Variants in AKAP7 observed in about 807,000 individuals in gnomAD.
AKAP7 encodes the protein A-kinase anchoring protein 7, also known as A kinase (PRKA) anchor protein 7.
A neutral mutation model predicts 39.5 loss-of-function variants in AKAP7; 39 were observed. The ratio of observed to expected loss-of-function variants is 0.99; its 90% CI spans 0.76 to 1.29. The LOEUF (loss-of-function observed/expected upper bound fraction) is 1.29. Among genes scored for constraint, AKAP7 ranks in the 50% most tolerant of loss-of-function variants. The pLI, the probability that AKAP7 is intolerant of heterozygous loss-of-function variation, is 0.00. For missense variants in AKAP7, 414 were observed against 407.7 expected, an observed-to-expected ratio of 1.02 and a Z score of -0.13; for synonymous variants, 140 against 139.1, an observed-to-expected ratio of 1.01 and a Z score of -0.05.
At position 131,283,302 on chromosome 6, in the gene AKAP7, A is replaced by AACTT. The variant is rs746242142; in HGVS notation, c.*1577_*1580dup. On this transcript the variant is annotated 3_prime_UTR_variant, in exon 8 of 8. Coordinates refer to ENST00000431975, the MANE Select transcript of AKAP7 (RefSeq NM_016377.4). ...TTCTGTTTGAAAGAGCATCTTGAAA[A>AACTT]ACTTCCCCGGTATGATGATTGTTGG... The AACTT allele has an allele frequency of 6.6e-6, 1 of 152,544 alleles. No individual in the cohort carries two copies. Among genetic ancestry groups the AACTT allele is most frequent in the Middle Eastern group, 3.2e-3 (1 of 316 alleles). The allele number at this position is 152,544 out of a possible 1,614,324, so 9.4% of individuals were successfully genotyped here.
chr6:131,233,560 A>AT (rs1810802301), intron 7 of AKAP7, among the ~76,000 whole-genome samples: 1 of 152,200 alleles, frequency 6.6e-6, no homozygotes, highest in South Asian at 2.1e-4. Context: ...CAAACTGTAT[A>AT]TAGAATTCTT....
At chr6:131,248,839 A>G (rs1812231765) in intron 7 of AKAP7, among the ~76,000 whole-genome samples, 1 of 152,244 alleles carries the variant, frequency 6.6e-6, no homozygotes, top group African/African-American at 2.4e-5. Flanking sequence ...ATATTTTAAA[A>G]CATACACCTG....
At chr6:131,175,081 A>G (rs1401651084) in intron 5 of AKAP7, among the ~76,000 whole-genome samples, 1 of 152,214 alleles carries the variant, frequency 6.6e-6, no homozygotes, top group Non-Finnish European at 1.5e-5. Flanking sequence ...TAAATAATTT[A>G]GAGAAAAGAA....
At chr6:131,250,434 G>C in intron 7 of AKAP7, 1 of 1,490,366 alleles carries the variant, frequency 6.7e-7, no homozygotes, top group Non-Finnish European at 9.0e-7. Context: ...GTGTGCATTG[G>C]CTCTTCAAGC....
chr6:131,234,055 T>C (rs1810836983), intron 7 of AKAP7, among the ~76,000 whole-genome samples: 1 of 152,132 alleles, frequency 6.6e-6, no homozygotes, highest in Non-Finnish European at 1.5e-5. Flanking sequence ...CAGAGTGAAT[T>C]TAGGATTCAT....
At chr6:131,280,935 A>G (rs545560701) in intron 7 of AKAP7, among the ~76,000 whole-genome samples, 13 of 152,262 alleles carry the variant, frequency 8.5e-5, no homozygotes, top group African/African-American at 2.9e-4. Flanking sequence ...AGAATTTCCT[A>G]TTTCTTAAAT....
At position 131,185,032 on chromosome 6, in the gene AKAP7, G is replaced by C; in HGVS notation, c.590-14429G>C. ...TCATCTGGTTCTAGGATCCGCTTTC[G>C]TGCTTGACTGTTTGTCACAGGAAAC... On this transcript the variant is annotated intron_variant, in intron 5 of 7. Coordinates refer to ENST00000431975, the MANE Select transcript of AKAP7 (RefSeq NM_016377.4). 4 of 735,902 alleles carry C rather than the reference G, an allele frequency of 5.4e-6. No individual in the cohort carries two copies. In the South Asian group the frequency reaches 5.5e-5, roughly 10 times the overall value. The allele number at this position is 735,902 out of a possible 1,614,324, so 45.6% of individuals were successfully genotyped here.
intron 7 of AKAP7, among the ~76,000 whole-genome samples, chr6:131,241,507 C>T (rs1811548265): frequency 6.7e-6 from 1 of 149,414 alleles, no homozygotes; most frequent in African/African-American, 2.5e-5. Context: ...CAGTTTTGGG[C>T]ATATGAAAGC....
At chr6:131,259,460 T>C (rs1813127209) in intron 7 of AKAP7, among the ~76,000 whole-genome samples, 1 of 152,146 alleles carries the variant, frequency 6.6e-6, no homozygotes, top group South Asian at 2.1e-4. Context: ...CTTAGAACAT[T>C]TAGAGGGCTC....
At chr6:131,239,169 C>A (rs912755453) in intron 7 of AKAP7, among the ~76,000 whole-genome samples, 1 of 152,136 alleles carries the variant, frequency 6.6e-6, no homozygotes, top group Admixed American at 6.5e-5. Context: ...ACTTATGAAG[C>A]TTAGTTTGGC....
Position 131,237,118 on chromosome 6 carries a change from G to A in AKAP7, c.850+17310G>A, listed in dbSNP as rs1367515328. ...TTATTGAGAGTTTTTAGCATGAAGG[G>A]TTGTTGAATTTTGTCAAAGGCCTTT... On this transcript the variant is annotated intron_variant, in intron 7 of 7. Transcript: ENST00000431975. 2.6e-5 allele frequency among the ~76,000 whole-genome samples: 4 copies of A among 152,260 alleles called. No homozygotes were observed. The East Asian group carries it at 7.7e-4, about 29-fold the overall frequency.
intron 7 of AKAP7, 90 bp downstream of exon 7, chr6:131,219,898 T>G (rs919707608): frequency 2.2e-6 from 2 of 904,116 alleles, no homozygotes; most frequent in Non-Finnish European, 3.1e-6. Flanking sequence ...CTTAGTTGTA[T>G]ACGTTTTTCT....
chr6:131,204,019 A>G (rs1289816337), intron 6 of AKAP7, among the ~76,000 whole-genome samples: 2 of 152,136 alleles, frequency 1.3e-5, no homozygotes, highest in African/African-American at 2.4e-5. Flanking sequence ...TATACTCCCA[A>G]CCGTGGTGTA....
At position 131,281,509 on chromosome 6, in the gene AKAP7, C is replaced by G. The variant is rs765160260; in HGVS notation, c.851-21C>G. The G allele has an allele frequency of 6.4e-7, 1 of 1,567,470 alleles. No homozygotes were observed. The highest frequency in any genetic ancestry group is 1.2e-5 in the South Asian group (1 of 84,138). ...TGGCAATGTGATCTCAGTGACCTCT[C>G]TTCTCTATTGTGGAATGTAGGTGAA... is the stretch of plus-strand genomic sequence containing the variant. On this transcript the variant is annotated intron_variant, in intron 7 of 7. Transcript: ENST00000431975. The surrounding 1 kb of genome is among the most constrained non-coding windows in gnomAD (Gnocchi z 4.0).
At chr6:131,151,376 G>T (rs977475999) in intron 2 of AKAP7, among the ~76,000 whole-genome samples, 2 of 139,882 alleles carry the variant, frequency 1.4e-5, no homozygotes, top group Non-Finnish European at 3.1e-5. Context: ...GAGGGAGAAG[G>T]TAAGGTTTTT....
chr6:131,273,940 CTT>C (rs1161809027), intron 7 of AKAP7, among the ~76,000 whole-genome samples: 10 of 130,280 alleles, frequency 7.7e-5, no homozygotes, highest in East Asian at 2.2e-4. Context: ...GTTGCCTTTT[CTT>C]TTTTTTTTTT....
chr6:131,244,703 G>A (rs920339753), intron 7 of AKAP7, among the ~76,000 whole-genome samples: 21 of 152,158 alleles, frequency 1.4e-4, no homozygotes, highest in Admixed American at 7.9e-4. Context: ...CAGAGATTTC[G>A]GAATGACTCT....
chr6:131,169,188 T>C lies in AKAP7; in HGVS notation c.504T>C (p.Phe168=), dbSNP rs762139779. 6.2e-7 allele frequency: 1 copy of C among 1,614,102 alleles called. No homozygotes were observed. Among genetic ancestry groups the C allele is most frequent in the Non-Finnish European group, 8.5e-7 (1 of 1,179,982 alleles). ...LLQGKHLTLP[F]QGIGTFGNQV... ...AGGGAAAACATTTGACTTTGCCCTT[T>C]CAAGGGATTGGTACTTTTGGAAATC... Residue 168 remains phenylalanine, a synonymous_variant, in exon 5 of 8, where the codon TTT becomes TTC. Transcript: ENST00000431975.
At chr6:131,221,173 A>T (rs1809661582) in intron 7 of AKAP7, among the ~76,000 whole-genome samples, 1 of 152,230 alleles carries the variant, frequency 6.6e-6, no homozygotes, top group Non-Finnish European at 1.5e-5. Flanking sequence ...ATCAAAAGAA[A>T]GTGAATTAGC....
Sources: allele counts gnomAD v4.1 joint callset (sites outside exome capture counted in the v4.1 genomes callset), GRCh38; gene constraint gnomAD v4.1.1; non-coding constraint Gnocchi (gnomAD v3.1); transcripts MANE v1.5; gene names NCBI Gene and HGNC (gene_info 2026-07-23, HGNC 2026-07-21).